The following PVT1 variants were observed in gnomAD, a reference collection of about 807,000 sequenced individuals.
PVT1 encodes the protein Pvt1 oncogene.
intron 2 of PVT1, among the ~76,000 whole-genome samples, chr8:127,826,481 C>G (rs1012061133): frequency 6.6e-6 from 1 of 152,086 alleles, no homozygotes; most frequent in Non-Finnish European, 1.5e-5. Context: ...CGTTTGGAAT[C>G]TTCAGAGTCA....
intron 3 of PVT1, among the ~76,000 whole-genome samples, chr8:127,925,863 A>T (rs1422294482): frequency 1.3e-5 from 2 of 151,542 alleles, no homozygotes; most frequent in South Asian, 4.2e-4. Flanking sequence ...CTGCTCTCGA[A>T]CTCCTGACCT....
intron 4 of PVT1, among the ~76,000 whole-genome samples, chr8:128,029,342 G>A (rs1287051357): frequency 6.6e-6 from 1 of 150,564 alleles, no homozygotes; most frequent in East Asian, 2.0e-4. Flanking sequence ...TGCCCAGGCT[G>A]GTCTCGAACT....
chr8:127,932,396 G>A (rs1242011657), intron 3 of PVT1: 2 of 398,490 alleles, frequency 5.0e-6, no homozygotes, highest in Non-Finnish European at 8.8e-6. Context: ...ATTACCCCAA[G>A]GAGGCTCGAA....
chr8:127,809,029 CAAAAAAAAAA>C (rs1158760672), intron 2 of PVT1, among the ~76,000 whole-genome samples: 1 of 28,286 alleles, frequency 3.5e-5, no homozygotes, highest in Non-Finnish European at 6.4e-5. Flanking sequence ...GATTCCATCT[CAAAAAAAAAA>C]AAAAAAAAAA....
intron 2 of PVT1, among the ~76,000 whole-genome samples, chr8:127,823,170 A>T (rs1451904671): frequency 1.3e-5 from 2 of 152,134 alleles, no homozygotes; most frequent in Non-Finnish European, 2.9e-5. Flanking sequence ...TGCATGAGAA[A>T]AGCGCTTGGA....
At chr8:127,875,976 G>C (rs1586417501) in intron 2 of PVT1, among the ~76,000 whole-genome samples, 1 of 152,356 alleles carries the variant, frequency 6.6e-6, no homozygotes, top group Middle Eastern at 3.4e-3. Context: ...TCTCTGGGGA[G>C]TTCTGTGGCA....
At chr8:128,067,601 G>C (rs1813925942) in intron 4 of PVT1, among the ~76,000 whole-genome samples, 1 of 152,196 alleles carries the variant, frequency 6.6e-6, no homozygotes, top group Non-Finnish European at 1.5e-5. Flanking sequence ...GGCTTCCTGG[G>C]GGAAAGGATG....
At chr8:127,909,391 G>A (rs1313739687) in intron 3 of PVT1, among the ~76,000 whole-genome samples, 1 of 152,158 alleles carries the variant, frequency 6.6e-6, no homozygotes, top group East Asian at 1.9e-4. Context: ...TGCATCTCGA[G>A]AGAGAGAGGG....
chr8:127,916,630 A>G lies in PVT1; in HGVS notation n.782+25632A>G, dbSNP rs974574849. On this transcript the variant is annotated intron_variant and non_coding_transcript_variant, in intron 3 of 10. Coordinates refer to ENST00000651587, the Ensembl canonical transcript of PVT1. Reference sequence around the variant, plus strand: ...GGCTGCATTTTCTCTCATAGTAGGAATTATTCCCGGAAGATCCAAATGCTC... The same window carrying G: ...GGCTGCATTTTCTCTCATAGTAGGAGTTATTCCCGGAAGATCCAAATGCTC... 3.3e-5 allele frequency among the ~76,000 whole-genome samples: 5 copies of G among 152,266 alleles called. No homozygotes were observed. In the South Asian group the frequency reaches 1.0e-3, roughly 32 times the overall value.
In PVT1 at chr8:128,005,017, G is replaced by A. The variant is rs1228010506; in HGVS notation, n.912+15726G>A. 3.3e-5 allele frequency among the ~76,000 whole-genome samples: 5 copies of A among 152,192 alleles called. No individual in the cohort carries two copies. The South Asian group carries it at 1.0e-3, about 32-fold the overall frequency. On this transcript the variant is annotated intron_variant and non_coding_transcript_variant, in intron 4 of 10. Coordinates refer to ENST00000651587, the Ensembl canonical transcript of PVT1. ...TAGCCAGGCATGGTGGCACATGACT[G>A]TAATCCCAGCTACTCGGGAGGCTGA...
intron 3 of PVT1, among the ~76,000 whole-genome samples, chr8:127,973,369 A>G (rs1816785893): frequency 6.6e-6 from 1 of 152,198 alleles, no homozygotes; most frequent in African/African-American, 2.4e-5. Flanking sequence ...CTAAGTACTC[A>G]CCATGCTGCT....
At chr8:128,094,660 A>G (rs879294708) in intron 5 of PVT1, among the ~76,000 whole-genome samples, 4 of 152,364 alleles carry the variant, frequency 2.6e-5, no homozygotes, top group South Asian at 4.1e-4. Flanking sequence ...CTTGATATCA[A>G]GTGGGCACTC....
intron 4 of PVT1, among the ~76,000 whole-genome samples, chr8:128,036,495 G>A (rs1381062490): frequency 6.6e-6 from 1 of 152,186 alleles, no homozygotes; most frequent in Non-Finnish European, 1.5e-5. Flanking sequence ...AGGATTGATA[G>A]GACATTTAGT....
intron 3 of PVT1, among the ~76,000 whole-genome samples, chr8:127,978,049 C>T (rs1247174890): frequency 6.6e-6 from 1 of 151,988 alleles, no homozygotes; most frequent in Non-Finnish European, 1.5e-5. Context: ...TGTCTTGTTG[C>T]TCTTCTCTTC....
At position 127,881,671 on chromosome 8, in the gene PVT1, G is replaced by A. The variant is rs928020256; in HGVS notation, n.373-8918G>A. On this transcript the variant is annotated intron_variant and non_coding_transcript_variant, in intron 2 of 10. Transcript: ENST00000651587. Reference sequence around the variant, plus strand: ...GGAGTTTCAACATGTTAGTTAGGCCGGTCTCGAACTTCTGACCTTAGGTGA... The same window carrying A: ...GGAGTTTCAACATGTTAGTTAGGCCAGTCTCGAACTTCTGACCTTAGGTGA... Among the ~76,000 whole-genome samples, 9 of 151,936 alleles carry A rather than the reference G, an allele frequency of 5.9e-5. No individual in the cohort carries two copies. In the South Asian group the frequency reaches 8.4e-4, roughly 14 times the overall value.
chr8:127,849,582 A>G (rs552069517), intron 2 of PVT1, among the ~76,000 whole-genome samples: 69 of 152,370 alleles, frequency 4.5e-4, no homozygotes, highest in African/African-American at 1.3e-3. Context: ...AATCAGGGAC[A>G]CTTGAAAATA....
chr8:127,858,449 A>AATAAATAAATAG (rs1342313873), intron 2 of PVT1, among the ~76,000 whole-genome samples: 14 of 151,794 alleles, frequency 9.2e-5, no homozygotes, highest in African/African-American at 3.4e-4. Flanking sequence ...TAAATAAATA[A>AATAAATAAATAG]AAGATGGTCT....
intron 3 of PVT1, among the ~76,000 whole-genome samples, chr8:127,928,122 T>C (rs1281737406): frequency 6.6e-6 from 1 of 152,140 alleles, no homozygotes; most frequent in African/African-American, 2.4e-5. Context: ...AATCTAGTTT[T>C]AGCAAAAAAC....
At chr8:128,095,125 C>G (rs1586517274) in intron 5 of PVT1, among the ~76,000 whole-genome samples, 1 of 152,152 alleles carries the variant, frequency 6.6e-6, no homozygotes, top group Non-Finnish European at 1.5e-5. Context: ...TAAGATGCAG[C>G]CTCTGGGCTG....
Sources: allele counts gnomAD v4.1 joint callset (sites outside exome capture counted in the v4.1 genomes callset), GRCh38; gene constraint gnomAD v4.1.1; transcripts MANE v1.5; gene names NCBI Gene and HGNC (gene_info 2026-07-23, HGNC 2026-07-21).